NRAP: variants seen among roughly 807,000 people sequenced by gnomAD.
The protein encoded by NRAP is nebulin related anchoring protein, also known as nebulin-related-anchoring protein.
A neutral mutation model predicts 225.9 loss-of-function variants in NRAP; 189 were observed. The ratio of observed to expected loss-of-function variants is 0.84; its 90% CI spans 0.74 to 0.94. NRAP has a LOEUF of 0.94. Among genes scored for constraint, NRAP ranks in the 40% least tolerant of loss-of-function variants. The probability of loss-of-function intolerance (pLI) is 0.00; values close to 1 mark genes in which losing one functional copy is unlikely to be tolerated. For synonymous variants in NRAP, 769 were observed against 790.7 expected (o/e 0.97, Z 0.46); for missense variants, 2,176 against 2,168.7 (o/e 1.00, Z -0.07).
chr10:113,592,063 C>G, intron 39 of NRAP, 131 bp downstream of exon 39: 1 of 464,306 alleles, frequency 2.2e-6, no homozygotes, highest in East Asian at 3.4e-5. Context: ...ATTTAAAATA[C>G]AGTACATGTT....
At chr10:113,634,531 C>T (rs952737295) in intron 14 of NRAP, among the ~76,000 whole-genome samples, 5 of 152,200 alleles carry the variant, frequency 3.3e-5, no homozygotes, top group East Asian at 1.9e-4. Flanking sequence ...CCTGAAGAGC[C>T]GAAGTTAAAA....
At chr10:113,662,838 T>C (rs1850768476) in intron 2 of NRAP, 72 bp from the exon 3 acceptor site, 5 of 675,756 alleles carry the variant, frequency 7.4e-6, no homozygotes, top group Non-Finnish European at 1.2e-5. Flanking sequence ...ATTCTTAAAA[T>C]TATTTTTAAA....
chr10:113,658,070 T>A (rs1850421599), intron 3 of NRAP, among the ~76,000 whole-genome samples: 1 of 152,252 alleles, frequency 6.6e-6, no homozygotes, highest in Admixed American at 6.5e-5. Context: ...TTTTTCTATA[T>A]AAATACCTAA....
chr10:113,604,124 GT>G (rs958466592), intron 35 of NRAP, among the ~76,000 whole-genome samples: 8 of 151,424 alleles, frequency 5.3e-5, no homozygotes, highest in Admixed American at 3.9e-4. Context: ...AATAAAGACT[GT>G]TTTTTTTCTG....
chr10:113,645,849 C>T lies in NRAP; in HGVS notation c.1086G>A (p.Gln362=), dbSNP rs776081863. 1 of 1,605,052 alleles carries T rather than the reference C, an allele frequency of 6.2e-7. No individual in the cohort carries two copies. The highest frequency in any genetic ancestry group is 8.5e-7 in the Non-Finnish European group (1 of 1,173,038). The change falls in exon 11 of 42, where the codon CAG becomes CAA. Residue 362 remains glutamine (Q), a synonymous_variant. Transcript: ENST00000359988. ...CCTCACTCACGAGTTTGTTTACGCT[C>T]TGAGCCTGTTTGAGAACCAAGTTGT... ...AQDNLVLKQA[Q]SVNKLVSEVE...
rs371565838 is a variant in NRAP, at chr10:113,614,824, G to C, written c.3186+15C>G. On this transcript the variant is annotated intron_variant, in intron 28 of 41. Transcript: ENST00000359988. Reference sequence around the variant, plus strand: ...AGTGTTGAACATTGTCACAAGAATGGGGGTGAATGCTCACATCACTTATGA... The same window carrying C: ...AGTGTTGAACATTGTCACAAGAATGCGGGTGAATGCTCACATCACTTATGA... 1 of 1,442,954 alleles carries C rather than the reference G, an allele frequency of 6.9e-7. No homozygotes were observed. The highest frequency in any genetic ancestry group is 1.4e-5 in the African/African-American group (1 of 71,798). The allele number at this position is 1,442,954 out of a possible 1,614,324, so 89.4% of individuals were successfully genotyped here.
At chr10:113,598,653 G>A (rs1846426174) in intron 35 of NRAP, among the ~76,000 whole-genome samples, 1 of 152,182 alleles carries the variant, frequency 6.6e-6, no homozygotes, top group Non-Finnish European at 1.5e-5. Flanking sequence ...TCTTGTGATA[G>A]TGGTAGTGGA....
At chr10:113,652,380 C>T (rs1169602463) in intron 6 of NRAP, among the ~76,000 whole-genome samples, 2 of 151,978 alleles carry the variant, frequency 1.3e-5, no homozygotes, top group African/African-American at 4.8e-5. Context: ...GGTGGCTCAC[C>T]CGAGTAATCC....
At chr10:113,628,294 T>C (rs994416521) in intron 20 of NRAP, among the ~76,000 whole-genome samples, 1 of 152,124 alleles carries the variant, frequency 6.6e-6, no homozygotes, top group African/African-American at 2.4e-5. Flanking sequence ...TTCAAGCAAT[T>C]CTCCTGCCTC....
Position 113,597,950 on chromosome 10 carries a change from G to A in NRAP, c.4332+19C>T. 1.3e-6 allele frequency: 2 copies of A among 1,525,974 alleles called. No individual in the cohort carries two copies. Among genetic ancestry groups the A allele is most frequent in the South Asian group, 1.1e-5 (1 of 89,240 alleles). 94.5% of individuals were successfully genotyped at this position (1,525,974 alleles called of 1,614,324 possible). The stretch of plus-strand genomic sequence containing the variant: ...CTAGCTTGCCCTTGTCACTTGTGGT[G>A]GGGACAGGTTGATGGTACCTCGCTG... On this transcript the variant is annotated intron_variant, in intron 36 of 41. Transcript: ENST00000359988.
intron 6 of NRAP, among the ~76,000 whole-genome samples, chr10:113,652,436 T>C (rs550619972): frequency 2.6e-5 from 4 of 151,910 alleles, no homozygotes; most frequent in Non-Finnish European, 4.4e-5. Flanking sequence ...GGTCAAGAGA[T>C]TAAGACCATC....
At chr10:113,615,483 A>T (rs1847597724) in intron 27 of NRAP, among the ~76,000 whole-genome samples, 1 of 152,190 alleles carries the variant, frequency 6.6e-6, no homozygotes, top group Non-Finnish European at 1.5e-5. Context: ...TCCCCAGATC[A>T]TTCTTTCAAA....
chr10:113,631,996 T>G, intron 16 of NRAP, 32 bp from the exon 17 acceptor site: 1 of 1,319,112 alleles, frequency 7.6e-7, no homozygotes, highest in Non-Finnish European at 1.1e-6. Flanking sequence ...GAATAGGAGT[T>G]GCTACCCATA....
At chr10:113,653,177 T>C in intron 5 of NRAP, 138 bp from the exon 6 acceptor site, 1 of 572,074 alleles carries the variant, frequency 1.7e-6, no homozygotes, top group South Asian at 2.4e-5. Flanking sequence ...AATTTAAAAA[T>C]GGCTTATAAT....
At chr10:113,635,248 T>G (rs1305070683) in intron 14 of NRAP, among the ~76,000 whole-genome samples, 2 of 152,162 alleles carry the variant, frequency 1.3e-5, no homozygotes, top group Non-Finnish European at 2.9e-5. Context: ...GCAGAGGGAA[T>G]GGGAACTTGG....
chr10:113,625,322 C>T (rs1039632696), intron 21 of NRAP, among the ~76,000 whole-genome samples: 1 of 152,188 alleles, frequency 6.6e-6, no homozygotes, highest in South Asian at 2.1e-4. Context: ...CATGCTCTGC[C>T]TCCTGCCCCT....
rs773376054 is a variant in NRAP, at chr10:113,588,960, CAG to C, written c.*13_*14del. ...ACTTCCTCTCTGGCCTCTCAGGAAT[CAG>C]GGTGGACATGGCTCACAACAGCAGG... is the stretch of plus-strand genomic sequence containing the variant. On this transcript the variant is annotated 3_prime_UTR_variant, in exon 42 of 42. Transcript: ENST00000359988. 6.3e-7 allele frequency: 1 copy of C among 1,580,980 alleles called. No individual in the cohort carries two copies. The highest frequency in any genetic ancestry group is 1.5e-5 in the African/African-American group (1 of 67,706).
intron 4 of NRAP, 50 bp downstream of exon 4, chr10:113,657,420 T>C (rs757058323): frequency 1.1e-5 from 10 of 913,220 alleles, no homozygotes; most frequent in Non-Finnish European, 1.8e-5. Context: ...TCAATTGACA[T>C]AGTATGTCAT....
chr10:113,649,451 T>C (rs553414315), intron 9 of NRAP, among the ~76,000 whole-genome samples: 16 of 152,370 alleles, frequency 1.1e-4, no homozygotes, highest in Middle Eastern at 3.4e-3. Flanking sequence ...AACACCTGGC[T>C]AGTACCAGAA....
Sources: gnomAD v4.1 joint callset for allele counts (sites outside exome capture counted in the v4.1 genomes callset) on GRCh38, gnomAD v4.1.1 for gene constraint, MANE v1.5 for transcripts, NCBI Gene and HGNC (gene_info 2026-07-23, HGNC 2026-07-21) for gene names.